The following ZFPM2 variants were observed in gnomAD, a reference collection of about 807,000 sequenced individuals.
ZFPM2 encodes zinc finger protein, FOG family member 2, also known as zinc finger protein ZFPM2.
In ZFPM2, 20 loss-of-function variants were observed where a neutral mutation model predicts 98.6. The observed-to-expected ratio is 0.20, with a 90% CI of 0.14 to 0.29. ZFPM2 has a LOEUF of 0.29. ZFPM2 is among the 10% of genes least tolerant of loss of function. The probability of loss-of-function intolerance (pLI) is 1.00; values close to 1 mark genes in which losing one functional copy is unlikely to be tolerated. For synonymous variants in ZFPM2, 518 were observed against 502.7 expected (o/e 1.03, Z -0.41); for missense variants, 1,310 against 1,388.6 (o/e 0.94, Z 0.90).
At chr8:105,572,341 C>T (rs1473915856) in intron 4 of ZFPM2, among the ~76,000 whole-genome samples, 1 of 151,720 alleles carries the variant, frequency 6.6e-6, no homozygotes. Flanking sequence ...TAGCCTCTTG[C>T]ATAAATTTCT....
At chr8:105,727,414 A>C (rs1471083962) in intron 5 of ZFPM2, among the ~76,000 whole-genome samples, 1 of 151,796 alleles carries the variant, frequency 6.6e-6, no homozygotes, top group African/African-American at 2.4e-5. Context: ...GAAGCAATGT[A>C]CTATGCGATC....
chr8:105,477,535 G>A (rs113775312), intron 3 of ZFPM2, among the ~76,000 whole-genome samples: 2,075 of 151,748 alleles, frequency 0.014, 45 homozygotes, highest in African/African-American at 0.048. Flanking sequence ...GAGCCACCGC[G>A]CCCCACATGA....
At chr8:105,664,803 G>A (rs577773292) in intron 5 of ZFPM2, among the ~76,000 whole-genome samples, 1 of 152,210 alleles carries the variant, frequency 6.6e-6, no homozygotes, top group East Asian at 1.9e-4. Context: ...TATCAGTTAT[G>A]TTTTGGAAGA....
intron 3 of ZFPM2, among the ~76,000 whole-genome samples, chr8:105,547,063 G>T (rs1586453274): frequency 6.6e-6 from 1 of 152,050 alleles, no homozygotes; most frequent in Non-Finnish European, 1.5e-5. Context: ...ATTATAGATG[G>T]TTATTATAAA....
chr8:105,511,149 G>A (rs1346534166), intron 3 of ZFPM2, among the ~76,000 whole-genome samples: 1 of 152,218 alleles, frequency 6.6e-6, no homozygotes, highest in Non-Finnish European at 1.5e-5. Context: ...AGACTGGCAT[G>A]TAGGAAGTCT....
intron 5 of ZFPM2, among the ~76,000 whole-genome samples, chr8:105,637,074 G>C (rs1816860771): frequency 6.6e-6 from 1 of 152,116 alleles, no homozygotes; most frequent in African/African-American, 2.4e-5. Context: ...AATATGTTCT[G>C]TCTGCATTAA....
In ZFPM2 at chr8:105,406,571, A is replaced by C. The variant is rs1586349752; in HGVS notation, c.41-12573A>C. On this transcript the variant is annotated intron_variant, in intron 1 of 7. Transcript: ENST00000407775. ...CTTATTGTGACCCTCACACTCCTGA[A>C]GGAGGGTCATAACTCAGATCTGCTT... Among the ~76,000 whole-genome samples, 6 of 152,130 alleles carry C rather than the reference A, an allele frequency of 3.9e-5. No homozygotes were observed. In the South Asian group the frequency reaches 1.2e-3, roughly 31 times the overall value.
At position 105,802,528 on chromosome 8, in the gene ZFPM2, A is replaced by G. The variant is rs755421951; in HGVS notation, c.2446A>G (p.Thr816Ala). 2.5e-6 allele frequency: 4 copies of G among 1,611,924 alleles called. No individual in the cohort carries two copies. Among genetic ancestry groups the G allele is most frequent in the African/African-American group, 2.7e-5 (2 of 74,908 alleles). Residue 816 changes from threonine (T) to alanine (A), a missense_variant, in exon 8 of 8, where the codon ACT (threonine) becomes GCT (alanine). Thr to Ala is a moderately conservative substitution (Grantham distance 58). Coordinates refer to ENST00000407775, the MANE Select transcript of ZFPM2 (RefSeq NM_012082.4). ...GTGTGTTCCAGTTTCCAAATGTGATACTACTCATTCCAGTGTTTCCTGCCT... is the reference window on the plus strand; with the variant it reads ...GTGTGTTCCAGTTTCCAAATGTGATGCTACTCATTCCAGTGTTTCCTGCCT... ...NKCVPVSKCDTTHSSVSCLEM... is the reference protein window; with the variant it reads ...NKCVPVSKCDATHSSVSCLEM...
chr8:105,793,865 A>G (rs1397077174), intron 6 of ZFPM2, among the ~76,000 whole-genome samples: 4 of 150,490 alleles, frequency 2.7e-5, no homozygotes, highest in East Asian at 1.9e-4. Flanking sequence ...CTAGTTGATC[A>G]CATCGGCTCC....
chr8:105,545,841 A>G (rs1260042597), intron 3 of ZFPM2, among the ~76,000 whole-genome samples: 2 of 151,534 alleles, frequency 1.3e-5, no homozygotes, highest in Non-Finnish European at 2.9e-5. Context: ...TTGTGCAAGT[A>G]TTTTTTTTTA....
intron 5 of ZFPM2, among the ~76,000 whole-genome samples, chr8:105,670,731 T>C (rs940743176): frequency 1.3e-5 from 2 of 152,198 alleles, no homozygotes; most frequent in African/African-American, 2.4e-5. Flanking sequence ...AAATGACTTA[T>C]CTTTTACTTC....
At chr8:105,406,309 T>A (rs1457163609) in intron 1 of ZFPM2, among the ~76,000 whole-genome samples, 1 of 152,138 alleles carries the variant, frequency 6.6e-6, no homozygotes, top group Admixed American at 6.6e-5. Flanking sequence ...TTTTGGCTTT[T>A]GTTGCCATTG....
chr8:105,683,380 A>G (rs747174709), intron 5 of ZFPM2, among the ~76,000 whole-genome samples: 9 of 152,162 alleles, frequency 5.9e-5, no homozygotes, highest in Non-Finnish European at 1.3e-4. Flanking sequence ...TTATAAAGTG[A>G]ATGTCACCAT....
At chr8:105,579,665 T>G (rs909890138) in intron 4 of ZFPM2, among the ~76,000 whole-genome samples, 1 of 152,182 alleles carries the variant, frequency 6.6e-6, no homozygotes, top group Non-Finnish European at 1.5e-5. Flanking sequence ...AAAATACTGA[T>G]GAGTCTGTTG....
intron 2 of ZFPM2, among the ~76,000 whole-genome samples, chr8:105,438,789 A>G (rs1812176236): frequency 6.6e-6 from 1 of 152,178 alleles, no homozygotes; most frequent in Non-Finnish European, 1.5e-5. Context: ...AAATACCTCC[A>G]GTGCATCTCA....
intron 5 of ZFPM2, among the ~76,000 whole-genome samples, chr8:105,741,901 A>G (rs1029322418): frequency 6.6e-6 from 1 of 152,018 alleles, no homozygotes. Flanking sequence ...GGGTGAGGGA[A>G]TTGAGAATAT....
intron 3 of ZFPM2, among the ~76,000 whole-genome samples, chr8:105,446,193 T>TA (rs1187017997): frequency 1.6e-4 from 24 of 152,306 alleles, no homozygotes; most frequent in Non-Finnish European, 3.2e-4. Context: ...GTGCTGGGAT[T>TA]ACAGGCGTGA....
intron 3 of ZFPM2, among the ~76,000 whole-genome samples, chr8:105,539,620 C>G (rs1479480703): frequency 6.6e-6 from 1 of 152,112 alleles, no homozygotes; most frequent in Non-Finnish European, 1.5e-5. Flanking sequence ...AAACTGACCT[C>G]CAGCAATTTA....
At chr8:105,789,088 AC>A in intron 6 of ZFPM2, 164 bp downstream of exon 6, 1 of 617,968 alleles carries the variant, frequency 1.6e-6, no homozygotes. Flanking sequence ...AAATGATGTT[AC>A]TTTTTTTTTT....
Sources: allele counts gnomAD v4.1 joint callset (sites outside exome capture counted in the v4.1 genomes callset), GRCh38; gene constraint gnomAD v4.1.1; transcripts MANE v1.5; gene names NCBI Gene and HGNC (gene_info 2026-07-23, HGNC 2026-07-21).